PTPRR: variants seen among roughly 807,000 people sequenced by gnomAD.
The protein encoded by PTPRR is receptor-type tyrosine-protein phosphatase R.
In PTPRR, 38 loss-of-function variants were observed where a neutral mutation model predicts 77.2. The ratio of observed to expected loss-of-function variants is 0.49; its 90% confidence interval spans 0.38 to 0.65. PTPRR has a LOEUF of 0.65. Among genes scored for constraint, PTPRR ranks in the 30% least tolerant of loss-of-function variants. The pLI, the probability that PTPRR is intolerant of heterozygous loss-of-function variation, is 0.00. For missense variants in PTPRR, 744 were observed against 799.2 expected (o/e 0.93, Z 0.83); for synonymous variants, 299 against 283.1 (o/e 1.06, Z -0.57).
chr12:70,730,395 C>T (rs565800998), intron 6 of PTPRR, among the ~76,000 whole-genome samples: 1 of 152,112 alleles, frequency 6.6e-6, no homozygotes, highest in East Asian at 1.9e-4. Flanking sequence ...CCTGTAACCC[C>T]AGCTACTTGG....
intron 2 of PTPRR, among the ~76,000 whole-genome samples, chr12:70,862,743 TAATAA>T (rs1892775506): frequency 7.4e-6 from 1 of 135,328 alleles, no homozygotes; most frequent in Non-Finnish European, 1.6e-5. Context: ...AGTATAATAA[TAATAA>T]AATAAAAAAA....
chr12:70,729,163 A>C (rs1889563113), intron 6 of PTPRR, among the ~76,000 whole-genome samples: 1 of 152,224 alleles, frequency 6.6e-6, no homozygotes. Flanking sequence ...AAATATATTC[A>C]AATACACCAT....
chr12:70,888,753 C>T (rs1388130233), intron 2 of PTPRR, among the ~76,000 whole-genome samples: 4 of 152,102 alleles, frequency 2.6e-5, no homozygotes, highest in African/African-American at 9.7e-5. Flanking sequence ...CCACCAAGAG[C>T]AAGTCACTTA....
In PTPRR at chr12:70,757,673, G is replaced by A. The variant is rs116636070; in HGVS notation, c.628-3372C>T. Among the ~76,000 whole-genome samples the A allele has an allele frequency of 4.7e-4, 72 of 152,264 alleles. 1 individual carries two copies. The highest frequency in any genetic ancestry group is 1.7e-3 in the African/African-American group (71 of 41,570). Reference sequence around the variant, plus strand: ...TAAAAAACCATATCCTTCCATGAAAGTAATTAACGTAAGTTTAGGAATAGA... The same window carrying A: ...TAAAAAACCATATCCTTCCATGAAAATAATTAACGTAAGTTTAGGAATAGA... On this transcript the variant is annotated intron_variant, in intron 4 of 13. Transcript: ENST00000283228.
intron 13 of PTPRR, among the ~76,000 whole-genome samples, chr12:70,640,882 T>C (rs80308504): frequency 0.032 from 4,804 of 152,246 alleles, 99 homozygotes; most frequent in Non-Finnish European, 0.046. Context: ...AATGATGTAA[T>C]TGGCAAAAAA....
chr12:70,759,939 G>T (rs1890655314), intron 4 of PTPRR, among the ~76,000 whole-genome samples: 1 of 152,116 alleles, frequency 6.6e-6, no homozygotes, highest in Non-Finnish European at 1.5e-5. Flanking sequence ...GGAGGGCATG[G>T]CCAAATTTAT....
At chr12:70,866,196 GA>G (rs1401040529) in intron 2 of PTPRR, among the ~76,000 whole-genome samples, 2 of 152,032 alleles carry the variant, frequency 1.3e-5, no homozygotes, top group African/African-American at 4.8e-5. Context: ...GAGCAGAACT[GA>G]AGGAAATAGA....
chr12:70,764,550 C>T, intron 3 of PTPRR, 115 bp downstream of exon 3: 1 of 794,376 alleles, frequency 1.3e-6, no homozygotes, highest in Non-Finnish European at 2.1e-6. Context: ...TTTGCAAAAA[C>T]ATGACGTGCC....
In PTPRR at chr12:70,745,869, G is replaced by C. The variant is rs765017872; in HGVS notation, c.956C>G (p.Thr319Ser). Residue 319 changes from threonine to serine, a missense_variant, in exon 6 of 14, where the codon ACC becomes AGC. Coordinates refer to ENST00000283228, the MANE Select transcript of PTPRR (RefSeq NM_002849.4). ...TTTGAAAGGAGAAGGGCAAACAGAG[G>C]TAGCGGTGGTAGCTTTGATCTCAGG... ...GAPEIKATTA[T>S]SVCPSPFKMK... The C allele has an allele frequency of 2.5e-6, 4 of 1,613,952 alleles. No individual in the cohort carries two copies. In the African/African-American group the frequency reaches 5.3e-5, roughly 22 times the overall value.
chr12:70,718,729 T>A (rs1032714372), intron 6 of PTPRR, among the ~76,000 whole-genome samples: 1 of 152,236 alleles, frequency 6.6e-6, no homozygotes, highest in African/African-American at 2.4e-5. Context: ...TTAAATATTT[T>A]GAGTGTGTAT....
intron 2 of PTPRR, among the ~76,000 whole-genome samples, chr12:70,766,103 G>A (rs1198573127): frequency 2.0e-5 from 3 of 152,188 alleles, no homozygotes; most frequent in South Asian, 2.1e-4. Flanking sequence ...AAAAAGCAGA[G>A]CGCCTCTCCT....
chr12:70,857,817 T>C (rs892120488), intron 2 of PTPRR, among the ~76,000 whole-genome samples: 1 of 152,076 alleles, frequency 6.6e-6, no homozygotes. Flanking sequence ...AGAACATAAC[T>C]CAATTATATT....
chr12:70,845,401 G>T (rs1184784234), intron 2 of PTPRR, among the ~76,000 whole-genome samples: 1 of 152,156 alleles, frequency 6.6e-6, no homozygotes, highest in Non-Finnish European at 1.5e-5. Flanking sequence ...CTTAATGTAT[G>T]TACATGATCT....
At position 70,754,583 on chromosome 12, in the gene PTPRR, A is replaced by T. The variant is rs756815435; in HGVS notation, c.628-282T>A. 15 of 1,597,556 alleles carry T rather than the reference A, an allele frequency of 9.4e-6. No individual in the cohort carries two copies. The Admixed American group carries it at 2.0e-4, about 21-fold the overall frequency. ...TCCCTCAGCGTCTCTCTTGGAAACT[A>T]CCTGGTTCATAGGTAAGAGAGTTCT... On this transcript the variant is annotated intron_variant, in intron 4 of 13. Coordinates refer to ENST00000283228, the MANE Select transcript of PTPRR (RefSeq NM_002849.4).
chr12:70,792,987 TA>T (rs1476462062), intron 2 of PTPRR, among the ~76,000 whole-genome samples: 1 of 152,184 alleles, frequency 6.6e-6, no homozygotes, highest in African/African-American at 2.4e-5. Context: ...AATGATCTAC[TA>T]AAAGTTTATT....
intron 5 of PTPRR, among the ~76,000 whole-genome samples, chr12:70,746,295 G>C (rs1231205293): frequency 6.6e-6 from 1 of 152,092 alleles, no homozygotes; most frequent in East Asian, 1.9e-4. Context: ...CTGCACATAT[G>C]TATCAAATAA....
At chr12:70,868,151 A>C (rs1282813274) in intron 2 of PTPRR, among the ~76,000 whole-genome samples, 1 of 152,136 alleles carries the variant, frequency 6.6e-6, no homozygotes, top group Non-Finnish European at 1.5e-5. Flanking sequence ...TCCAAAACAC[A>C]AAAAGCAATG....
At position 70,751,570 on chromosome 12, in the gene PTPRR, G is replaced by A. The variant is rs921647890; in HGVS notation, c.738+2621C>T. 3.3e-5 allele frequency among the ~76,000 whole-genome samples: 5 copies of A among 152,282 alleles called. No individual in the cohort carries two copies. In the East Asian group the frequency reaches 9.6e-4, roughly 29 times the overall value. On this transcript the variant is annotated intron_variant, in intron 5 of 13. Transcript: ENST00000283228. The stretch of plus-strand genomic sequence containing the variant: ...CACCCACAGTACCCTCTGCCTAGGG[G>A]TCCTTTACTCACATATTCACCCATA...
intron 3 of PTPRR, 114 bp from the exon 4 acceptor site, chr12:70,761,740 G>T: frequency 1.3e-6 from 1 of 796,064 alleles, no homozygotes; most frequent in South Asian, 3.4e-5. Context: ...AATCCTAAAA[G>T]GCTTTGTGGA....
Sources: allele counts gnomAD v4.1 joint callset (sites outside exome capture counted in the v4.1 genomes callset), GRCh38; gene constraint gnomAD v4.1.1; transcripts MANE v1.5; gene names NCBI Gene and HGNC (gene_info 2026-07-23, HGNC 2026-07-21).